Variants in IHO1 observed in about 807,000 individuals in gnomAD.
The protein encoded by IHO1 is interactor of HORMAD1 protein 1.
In IHO1, 13 loss-of-function variants were observed where a neutral mutation model predicts 31.0. That is an observed-to-expected ratio of 0.42 (90% CI 0.27 to 0.67). The LOEUF (loss-of-function observed/expected upper bound fraction) is 0.67. IHO1 is among the 30% of genes least tolerant of loss of function. IHO1 has a pLI of 0.24. For synonymous variants in IHO1, 221 were observed against 248.4 expected (o/e 0.89, Z 1.04); for missense variants, 599 against 687.5 (o/e 0.87, Z 1.44).
Position 49,256,797 on chromosome 3 carries a change from G to C in IHO1, c.1300G>C (p.Val434Leu), listed in dbSNP as rs777816251. 1 of 1,614,242 alleles carries C rather than the reference G, an allele frequency of 6.2e-7. No homozygotes were observed. Among genetic ancestry groups the C allele is most frequent in the Admixed American group, 1.7e-5 (1 of 60,028 alleles). The change falls in exon 8 of 8, where the codon GTA becomes CTA. Residue 434 changes from valine (V) to leucine (L), a missense_variant. By Grantham distance (32) the Val-to-Leu change is conservative. Coordinates refer to ENST00000452691, the MANE Select transcript of IHO1 (RefSeq NM_001135197.2). This position sits in a 1 kb window ranked among gnomAD's most constrained non-coding sequence, Gnocchi z 4.6. Reference protein sequence around the residue: ...HLVIKQKDGTVEMRGKDKKQQ... With the variant: ...HLVIKQKDGTLEMRGKDKKQQ... ...GGTGATTAAACAGAAAGATGGGACT[G>C]TAGAAATGCGGGGGAAAGACAAGAA...
At chr3:49,230,046 C>T (rs1230363184) in intron 2 of IHO1, among the ~76,000 whole-genome samples, 2 of 152,170 alleles carry the variant, frequency 1.3e-5, no homozygotes, top group African/African-American at 4.8e-5. Context: ...TTTAGGATAT[C>T]ATTTTTGATG....
chr3:49,196,695 G>A (rs1274998250), upstream of IHO1, among the ~76,000 whole-genome samples: 6 of 145,984 alleles, frequency 4.1e-5, no homozygotes, highest in Non-Finnish European at 9.0e-5. Flanking sequence ...TTTTGAGACC[G>A]AGTCTCGCTC....
In IHO1 at chr3:49,244,660, G is replaced by A. The variant is rs752565085; in HGVS notation, c.459G>A (p.Val153=). 2.5e-6 allele frequency: 4 copies of A among 1,612,972 alleles called. No individual in the cohort carries two copies. The South Asian group carries it at 4.4e-5, about 18-fold the overall frequency. The stretch of plus-strand genomic sequence containing the variant: ...GGGTTTCTTAGTTGCAGACGTCTGT[G>A]GAAAAGTCTGAGGACCATCTCAGTT... ...RESILRLQTS[V]EKSEDHLSSR... Residue 153 remains valine, a synonymous_variant, in exon 6 of 8, where the codon GTG becomes GTA. Coordinates refer to ENST00000452691, the MANE Select transcript of IHO1 (RefSeq NM_001135197.2).
chr3:49,231,687 A>G (rs1228644175), intron 2 of IHO1, among the ~76,000 whole-genome samples: 1 of 152,234 alleles, frequency 6.6e-6, no homozygotes, highest in African/African-American at 2.4e-5. Flanking sequence ...TACATTACTC[A>G]TATTAGGGCT....
chr3:49,255,474 T>C lies in IHO1; in HGVS notation c.617T>C (p.Met206Thr), dbSNP rs767724238. ...AACATGGAGCAGGCCATCCTTGAGA[T>C]GAAGAAAAGATTTGAAGCTGTAAGT... ...KGNMEQAILEMKKRFEARQGE... is the reference protein window; with the variant it reads ...KGNMEQAILETKKRFEARQGE... Residue 206 changes from methionine to threonine, a missense_variant, in exon 7 of 8, where the codon ATG (methionine) becomes ACG (threonine). By Grantham distance (81) the Met-to-Thr change is moderately conservative. Coordinates refer to ENST00000452691, the MANE Select transcript of IHO1 (RefSeq NM_001135197.2). 15 of 1,600,912 alleles carry C rather than the reference T, an allele frequency of 9.4e-6. No individual in the cohort carries two copies. The highest frequency in any genetic ancestry group is 1.4e-5 in the African/African-American group (1 of 73,736).
chr3:49,210,351 C>T (rs1383682095), intron 1 of IHO1, among the ~76,000 whole-genome samples: 2 of 151,994 alleles, frequency 1.3e-5, no homozygotes, highest in African/African-American at 4.8e-5. Context: ...ATCCTCCCAT[C>T]TCAGCCTCCC....
In IHO1 at chr3:49,256,074, T is replaced by C; in HGVS notation, c.637-60T>C. On this transcript the variant is annotated intron_variant, in intron 7 of 7. Transcript: ENST00000452691. This position sits in a 1 kb window ranked among gnomAD's most constrained non-coding sequence, Gnocchi z 4.6. ...ACATCCATTGGTCTGTTCTCATGTT[T>C]TATTGTGCTTTCTGACTTGCACTGT... The C allele has an allele frequency of 7.1e-7, 1 of 1,416,758 alleles. No homozygotes were observed. Among genetic ancestry groups the C allele is most frequent in the South Asian group, 1.3e-5 (1 of 74,574 alleles). The allele number at this position is 1,416,758 out of a possible 1,614,324, so 87.8% of individuals were successfully genotyped here.
intron 2 of IHO1, among the ~76,000 whole-genome samples, chr3:49,225,639 C>T (rs1423116860): frequency 2.8e-4 from 42 of 152,154 alleles, no homozygotes; most frequent in Non-Finnish European, 2.9e-5. Context: ...CTAATATATC[C>T]CTCCCTAATA....
At chr3:49,228,422 C>T in intron 2 of IHO1, 2 of 394,682 alleles carry the variant, frequency 5.1e-6, no homozygotes, top group Non-Finnish European at 1.0e-5. Context: ...TTTTAACTGG[C>T]CGACAGGTGC....
chr3:49,228,969 C>T lies in IHO1; in HGVS notation c.57-7579C>T, dbSNP rs953094085. Among the ~76,000 whole-genome samples the T allele has an allele frequency of 3.9e-5, 6 of 152,040 alleles. No individual in the cohort carries two copies. The Admixed American group carries it at 4.0e-4, about 10-fold the overall frequency. ...GATGACTGGTCCATTTTACAGAGTG[C>T]TGATTGGGCCATTTTACAGAGTGCT... On this transcript the variant is annotated intron_variant, in intron 2 of 7. Transcript: ENST00000452691.
intron 1 of IHO1, among the ~76,000 whole-genome samples, chr3:49,201,710 A>G (rs934575475): frequency 2.3e-4 from 35 of 152,224 alleles, no homozygotes; most frequent in African/African-American, 7.9e-4. Context: ...TGAGCTCAGG[A>G]GCGTGAGACC....
chr3:49,206,160 T>A (rs2046133902), intron 1 of IHO1, among the ~76,000 whole-genome samples: 2 of 152,148 alleles, frequency 1.3e-5, no homozygotes, highest in South Asian at 4.1e-4. Context: ...GAGACGGGGT[T>A]TCACCATGTT....
chr3:49,248,628 G>A (rs1553619733), intron 6 of IHO1, among the ~76,000 whole-genome samples: 1 of 151,940 alleles, frequency 6.6e-6, no homozygotes, highest in Non-Finnish European at 1.5e-5. Context: ...AGCTACTTGG[G>A]AGGCAGGAGA....
At chr3:49,216,050 T>C (rs2046282513) in intron 2 of IHO1, among the ~76,000 whole-genome samples, 3 of 152,172 alleles carry the variant, frequency 2.0e-5, no homozygotes. Context: ...AGTATTAATA[T>C]TATAAAGGCT....
At position 49,256,397 on chromosome 3, in the gene IHO1, G is replaced by C; in HGVS notation, c.900G>C (p.Gln300His). ...AGAAACCAGTTTTATGGCAGGCCCAGGCCCTCCCTGCTGCATGGAATCCTG... is the reference window on the plus strand; with the variant it reads ...AGAAACCAGTTTTATGGCAGGCCCACGCCCTCCCTGCTGCATGGAATCCTG... The part of the protein sequence containing the change: ...TSEKPVLWQA[Q>H]ALPAAWNPGM... The change falls in exon 8 of 8, where the codon CAG (glutamine) becomes CAC (histidine). Residue 300 changes from glutamine to histidine, a missense_variant. By Grantham distance (24) the Gln-to-His change is conservative (BLOSUM62 0). Transcript: ENST00000452691. The surrounding 1 kb of genome is among the most constrained non-coding windows in gnomAD (Gnocchi z 4.6). 2 of 1,614,146 alleles carry C rather than the reference G, an allele frequency of 1.2e-6. No individual in the cohort carries two copies. The highest frequency in any genetic ancestry group is 2.2e-5 in the South Asian group (2 of 91,082).
chr3:49,206,614 T>G (rs1559436797), intron 1 of IHO1, among the ~76,000 whole-genome samples: 1 of 152,210 alleles, frequency 6.6e-6, no homozygotes, highest in Non-Finnish European at 1.5e-5. Context: ...AGGGCCTTTG[T>G]GACCTGTATC....
At chr3:49,196,769 C>CAA (rs1346849641), upstream of IHO1, among the ~76,000 whole-genome samples, 3 of 151,376 alleles carry the variant, frequency 2.0e-5, no homozygotes, top group Non-Finnish European at 2.9e-5. Flanking sequence ...CTCCTGGGTT[C>CAA]ACGCCATTCT....
chr3:49,193,483 G>C (rs944372226), upstream of IHO1, among the ~76,000 whole-genome samples: 2 of 151,698 alleles, frequency 1.3e-5, no homozygotes, highest in Non-Finnish European at 2.9e-5. Context: ...CGGATCACAA[G>C]GTCAAGAGAT....
chr3:49,233,112 C>T (rs2046503306), intron 2 of IHO1, among the ~76,000 whole-genome samples: 1 of 152,110 alleles, frequency 6.6e-6, no homozygotes, highest in Admixed American at 6.5e-5. Flanking sequence ...TGATTGGTCC[C>T]CTAAGGGACC....
Sources: allele counts gnomAD v4.1 joint callset (sites outside exome capture counted in the v4.1 genomes callset), GRCh38; gene constraint gnomAD v4.1.1; non-coding constraint Gnocchi (gnomAD v3.1); transcripts MANE v1.5; gene names NCBI Gene and HGNC (gene_info 2026-07-23, HGNC 2026-07-21).